PIK3R4: variants seen among roughly 807,000 people sequenced by gnomAD.
PIK3R4 encodes phosphoinositide 3-kinase regulatory subunit 4.
A neutral mutation model predicts 136.5 loss-of-function variants in PIK3R4; 46 were observed. The ratio of observed to expected loss-of-function variants is 0.34; its 90% CI spans 0.27 to 0.43. The LOEUF (loss-of-function observed/expected upper bound fraction) is 0.43. PIK3R4 is among the 20% of genes least tolerant of loss of function. The probability of loss-of-function intolerance (pLI) is 1.00; values close to 1 mark genes in which losing one functional copy is unlikely to be tolerated. For missense variants in PIK3R4, 1,331 were observed against 1,649.5 expected (o/e 0.81, Z 3.35); for synonymous variants, 557 against 566.7 (o/e 0.98, Z 0.24).
intron 7 of PIK3R4, among the ~76,000 whole-genome samples, chr3:130,719,596 G>GA: frequency 6.6e-6 from 1 of 152,214 alleles, no homozygotes; most frequent in South Asian, 2.1e-4. Flanking sequence ...TATTTTCCCT[G>GA]TGATAAGAGG....
rs776161704 is a variant in PIK3R4, at chr3:130,681,557, G to A, written c.3642C>T (p.Asp1214=). 3.5e-5 allele frequency: 57 copies of A among 1,611,932 alleles called. 1 individual carries two copies. In the South Asian group the frequency reaches 5.5e-4, roughly 16 times the overall value. Reference sequence around the variant, plus strand: ...TAAATCTTCTGTCACCAGTCTCCATGTCCCACATGGACACTTCGTTGTTGC... The same window carrying A: ...TAAATCTTCTGTCACCAGTCTCCATATCCCACATGGACACTTCGTTGTTGC... The part of the protein sequence containing the change: ...VQGNNEVSMW[D]METGDRRFTL... The change falls in exon 17 of 20, where the codon GAC becomes GAT. Residue 1214 remains aspartate, a synonymous_variant. Transcript: ENST00000356763.
intron 11 of PIK3R4, 63 bp downstream of exon 11, chr3:130,706,885 A>C: frequency 7.2e-7 from 1 of 1,396,636 alleles, no homozygotes; most frequent in Non-Finnish European, 9.7e-7. Flanking sequence ...GCCTTTAAAC[A>C]ACCAAAATAG....
At chr3:130,708,646 T>C (rs1173386211) in intron 9 of PIK3R4, among the ~76,000 whole-genome samples, 154 bp from the exon 10 acceptor site, 1 of 152,108 alleles carries the variant, frequency 6.6e-6, no homozygotes, top group Non-Finnish European at 1.5e-5. Context: ...AAAATAAAGT[T>C]AACAATACAG....
intron 13 of PIK3R4, among the ~76,000 whole-genome samples, chr3:130,696,367 A>G (rs934418412): frequency 1.2e-4 from 18 of 149,918 alleles, no homozygotes; most frequent in African/African-American, 4.4e-4. Flanking sequence ...CTAATTTGGG[A>G]TCTTTCTTCT....
chr3:130,693,447 C>G (rs1336171703), intron 13 of PIK3R4, among the ~76,000 whole-genome samples: 1 of 152,154 alleles, frequency 6.6e-6, no homozygotes, highest in East Asian at 1.9e-4. Flanking sequence ...TTCAATTTAT[C>G]TACATCCTAA....
intron 9 of PIK3R4, among the ~76,000 whole-genome samples, chr3:130,712,921 C>G (rs1014415893): frequency 2.1e-4 from 32 of 152,196 alleles, no homozygotes; most frequent in Non-Finnish European, 4.6e-4. Context: ...TTAGAGGCCA[C>G]ACAGCACAGT....
At chr3:130,723,276 CAT>C in intron 7 of PIK3R4, 136 bp downstream of exon 7, 2 of 696,370 alleles carry the variant, frequency 2.9e-6, no homozygotes, top group South Asian at 3.9e-5. Flanking sequence ...CACATACACA[CAT>C]GCACACCCAC....
intron 2 of PIK3R4, among the ~76,000 whole-genome samples, chr3:130,742,511 G>T (rs2066829743): frequency 6.6e-6 from 1 of 152,138 alleles, no homozygotes; most frequent in Non-Finnish European, 1.5e-5. Flanking sequence ...AACTTTGATG[G>T]ATTACATTTC....
chr3:130,741,759 A>G lies in PIK3R4; in HGVS notation c.733+2727T>C, dbSNP rs1473359908. Among the ~76,000 whole-genome samples, 5 of 152,176 alleles carry G rather than the reference A, an allele frequency of 3.3e-5. No individual in the cohort carries two copies. The South Asian group carries it at 1.0e-3, about 32-fold the overall frequency. On this transcript the variant is annotated intron_variant, in intron 2 of 19. Coordinates refer to ENST00000356763, the MANE Select transcript of PIK3R4 (RefSeq NM_014602.3). ...CTCCCCACTAGAATGAAAGCTCCAT[A>G]ATGGCAAAAGCTTAGTCAACTGTAT...
At chr3:130,704,688 A>C (rs191412718) in intron 12 of PIK3R4, among the ~76,000 whole-genome samples, 12 of 152,324 alleles carry the variant, frequency 7.9e-5, no homozygotes, top group Non-Finnish European at 1.5e-4. Flanking sequence ...AAGATAGTTG[A>C]GTCAGATTTT....
At chr3:130,723,178 G>A (rs1390711972) in intron 7 of PIK3R4, among the ~76,000 whole-genome samples, 2 of 147,580 alleles carry the variant, frequency 1.4e-5, no homozygotes, top group Non-Finnish European at 3.0e-5. Flanking sequence ...ACCAACAGAT[G>A]AAAACAAAGC....
intron 7 of PIK3R4, among the ~76,000 whole-genome samples, chr3:130,719,629 T>C (rs1559827016): frequency 2.0e-5 from 3 of 152,218 alleles, no homozygotes; most frequent in Non-Finnish European, 4.4e-5. Flanking sequence ...TGGAAAAACA[T>C]TGGTAAACCT....
rs751687485 is a variant in PIK3R4, at chr3:130,733,736, T to A, written c.1262A>T (p.Tyr421Phe). Residue 421 changes from tyrosine (Y) to phenylalanine (F), a missense_variant, in exon 4 of 20, where the codon TAT (tyrosine) becomes TTT (phenylalanine). Tyr to Phe is a conservative substitution (Grantham distance 22). Coordinates refer to ENST00000356763, the MANE Select transcript of PIK3R4 (RefSeq NM_014602.3). Reference protein sequence around the residue: ...VEILLDRITPYLLHFSNDSVP... With the variant: ...VEILLDRITPFLLHFSNDSVP... ...AGAGTCATTGCTGAAATGCAAAAGA[T>A]ATGGAGTAATACGATCCAAAAGGAT... The A allele has an allele frequency of 6.2e-7, 1 of 1,614,134 alleles. No individual in the cohort carries two copies. Among genetic ancestry groups the A allele is most frequent in the East Asian group, 2.2e-5 (1 of 44,884 alleles).
chr3:130,728,813 C>T (rs537240844), intron 5 of PIK3R4, 129 bp from the exon 6 acceptor site: 14 of 590,570 alleles, frequency 2.4e-5, no homozygotes, highest in South Asian at 6.9e-5. Flanking sequence ...CAGAATCCAC[C>T]GAAGACTTTA....
intron 9 of PIK3R4, among the ~76,000 whole-genome samples, chr3:130,709,332 T>A (rs918252610): frequency 3.3e-5 from 5 of 152,084 alleles, no homozygotes; most frequent in African/African-American, 1.2e-4. Context: ...TCTAGTACAT[T>A]TTCATCATGT....
intron 15 of PIK3R4, 107 bp downstream of exon 15, chr3:130,686,104 G>A (rs1484692356): frequency 2.3e-5 from 15 of 648,868 alleles, no homozygotes; most frequent in East Asian, 8.5e-5. Flanking sequence ...AAAAAAAGAC[G>A]GGAAAAATTA....
At chr3:130,694,211 A>T (rs2066534438) in intron 13 of PIK3R4, among the ~76,000 whole-genome samples, 1 of 152,022 alleles carries the variant, frequency 6.6e-6, no homozygotes, top group African/African-American at 2.4e-5. Flanking sequence ...CAGAAGTGTG[A>T]GTCCTTCAAT....
chr3:130,685,514 C>T (rs1258480146), intron 15 of PIK3R4, among the ~76,000 whole-genome samples: 1 of 152,144 alleles, frequency 6.6e-6, no homozygotes, highest in Non-Finnish European at 1.5e-5. Context: ...CAGGTTGACT[C>T]TGAAAAGCCA....
rs567581465 is a variant in PIK3R4, at chr3:130,685,421, G to A, written c.3475+790C>T. Among the ~76,000 whole-genome samples, 6 of 152,204 alleles carry A rather than the reference G, an allele frequency of 3.9e-5. No homozygotes were observed. In the South Asian group the frequency reaches 1.2e-3, roughly 32 times the overall value. On this transcript the variant is annotated intron_variant, in intron 15 of 19. Transcript: ENST00000356763. ...TCAAAAAAGAAATTTTACAAAAGCAGCAATCCCATTCTTGGGTATATATAT... is the reference window on the plus strand; with the variant it reads ...TCAAAAAAGAAATTTTACAAAAGCAACAATCCCATTCTTGGGTATATATAT...
Sources: allele counts gnomAD v4.1 joint callset (sites outside exome capture counted in the v4.1 genomes callset), GRCh38; gene constraint gnomAD v4.1.1; transcripts MANE v1.5; gene names NCBI Gene and HGNC (gene_info 2026-07-23, HGNC 2026-07-21).